The following NBPF12 variants were observed in gnomAD, a reference collection of about 807,000 sequenced individuals.
The protein encoded by NBPF12 is NBPF family member NBPF12.
NBPF12 carries 115 observed loss-of-function variants against 146.4 expected under a neutral mutation model. The ratio of observed to expected loss-of-function variants is 0.79; its 90% CI spans 0.68 to 0.92. NBPF12 has a LOEUF of 0.92. Ranked by LOEUF, NBPF12 falls within the 40% of genes least tolerant of loss-of-function variation. NBPF12 has a pLI of 0.00. For missense variants in NBPF12, 1,205 were observed against 1,326.8 expected, an observed-to-expected ratio of 0.91 and a Z score of 1.43; for synonymous variants, 385 against 508.9, an observed-to-expected ratio of 0.76 and a Z score of 3.28.
At chr1:146,939,839 C>T (rs1337317630) in intron 1 of NBPF12, among the ~76,000 whole-genome samples, 6 of 151,874 alleles carry the variant, frequency 4.0e-5, no homozygotes, top group Non-Finnish European at 2.9e-5. Context: ...AAAAATTAGC[C>T]GGGAGTGGTG....
In NBPF12 at chr1:146,951,239, A is replaced by G. The variant is rs1309170410; in HGVS notation, c.-325-109A>G. Reference sequence around the variant, plus strand: ...GAGCTTCTCTCAGGCCACACAGGGCACTCAAGTGAACAGGGCATGGGGGCC... The same window carrying G: ...GAGCTTCTCTCAGGCCACACAGGGCGCTCAAGTGAACAGGGCATGGGGGCC... On this transcript the variant is annotated intron_variant, in intron 1 of 33. Coordinates refer to ENST00000617844, the Ensembl canonical transcript of NBPF12. 6.0e-6 allele frequency: 4 copies of G among 663,478 alleles called. No homozygotes were observed. The African/African-American group carries it at 7.2e-5, about 12-fold the overall frequency. 41.1% of individuals were successfully genotyped at this position (663,478 alleles called of 1,614,324 possible).
At chr1:146,939,784 C>G (rs1188773947) in intron 1 of NBPF12, among the ~76,000 whole-genome samples, 2 of 151,856 alleles carry the variant, frequency 1.3e-5, no homozygotes, top group African/African-American at 4.9e-5. Flanking sequence ...GAGATTGAGA[C>G]CATCCTGGCT....
At chr1:146,994,862 C>T in exon 34 of NBPF12, 1 of 542,294 alleles carries the variant, frequency 1.8e-6, no homozygotes. Flanking sequence ...TACAAAATTC[C>T]TCAGGGATTT....
chr1:146,963,392 G>T lies in NBPF12; in HGVS notation c.493+83G>T, dbSNP rs1184601643. On this transcript the variant is annotated intron_variant, in intron 6 of 33. Transcript: ENST00000617844. ...CCTCCATACTTTCATGATGACAGTT[G>T]TATCAGTGGGGTTTTTTTCTACTAC... The T allele has an allele frequency of 3.5e-3, 5,548 of 1,599,246 alleles. 23 individuals are homozygous for T. Among genetic ancestry groups the T allele is most frequent in the Non-Finnish European group, 4.5e-3 (5,291 of 1,170,034 alleles).
exon 34 of NBPF12, chr1:146,996,057 A>C (rs1658521081): frequency 7.0e-6 from 1 of 141,882 alleles, no homozygotes; most frequent in Non-Finnish European, 1.5e-5. Context: ...GTCCAAAGTT[A>C]ATTTTAATCT....
At chr1:146,954,064 T>C (rs1655443638) in intron 2 of NBPF12, among the ~76,000 whole-genome samples, 1 of 145,908 alleles carries the variant, frequency 6.9e-6, no homozygotes, top group African/African-American at 2.6e-5. Context: ...CAATTTCATT[T>C]AAAGTAACAT....
At chr1:146,965,103 A>C (rs1656103584) in exon 8 of NBPF12, 1 of 1,574,564 alleles carries the variant, frequency 6.4e-7, no homozygotes. Flanking sequence ...ACATTCTCCC[A>C]GGTAGCCTCT....
At chr1:146,961,644 T>G (rs1221256295) in intron 4 of NBPF12, among the ~76,000 whole-genome samples, 1 of 152,078 alleles carries the variant, frequency 6.6e-6, no homozygotes, top group South Asian at 2.1e-4. Context: ...TGTCTCACAC[T>G]TTATGCTTCA....
intron 2 of NBPF12, among the ~76,000 whole-genome samples, chr1:146,959,190 A>T (rs1175904852): frequency 1.0e-5 from 1 of 97,064 alleles, no homozygotes; most frequent in Non-Finnish European, 2.1e-5. Context: ...AGTAAAGAGA[A>T]GTCGGCCGTG....
At chr1:146,953,389 C>A (rs1433550187) in intron 2 of NBPF12, among the ~76,000 whole-genome samples, 3 of 140,676 alleles carry the variant, frequency 2.1e-5, no homozygotes, top group Non-Finnish European at 1.5e-5. Context: ...AGCTTCTTGA[C>A]TGGGGGGAGA....
exon 13 of NBPF12, chr1:146,971,312 G>A: frequency 6.2e-7 from 1 of 1,612,178 alleles, no homozygotes. Flanking sequence ...TCACATTTGA[G>A]GAAGACAAAG....
intron 7 of NBPF12, 28 bp downstream of exon 10, chr1:146,964,457 A>G: frequency 6.3e-7 from 1 of 1,595,952 alleles, no homozygotes; most frequent in Non-Finnish European, 8.6e-7. Flanking sequence ...GGAGCAAGTA[A>G]TGGGTGGTAA....
intron 13 of NBPF12, among the ~76,000 whole-genome samples, chr1:146,972,454 G>T (rs1360376091): frequency 6.6e-6 from 1 of 151,434 alleles, no homozygotes; most frequent in Non-Finnish European, 1.5e-5. Flanking sequence ...AATCTTTTGT[G>T]CTACACAGAA....
exon 32 of NBPF12, chr1:146,992,769 T>G (rs1208109512): frequency 1.5e-6 from 1 of 684,754 alleles, no homozygotes; most frequent in African/African-American, 1.8e-5. Context: ...ACTCACTGGA[T>G]AGATGTTATT....
Position 146,954,420 on chromosome 1 carries a change from TCAA to T in NBPF12, c.-184+2935_-184+2937del, listed in dbSNP as rs1249243390. Among the ~76,000 whole-genome samples, 432 of 77,762 alleles carry T rather than the reference TCAA, an allele frequency of 5.6e-3. 1 individual carries two copies. The highest frequency in any genetic ancestry group is 0.018 in the African/African-American group (410 of 22,936). 51.0% of individuals were successfully genotyped at this position (77,762 alleles called of 152,430 possible). On this transcript the variant is annotated intron_variant, in intron 2 of 33. Coordinates refer to ENST00000617844, the Ensembl canonical transcript of NBPF12. ...AAAAAAAAAAAAAAAAAAAGGAAAG[TCAA>T]CAAAATTTATGTAAGGCCAGTACAC... is the stretch of plus-strand genomic sequence containing the variant.
At chr1:146,940,793 A>T (rs1322900271) in intron 1 of NBPF12, among the ~76,000 whole-genome samples, 1 of 151,924 alleles carries the variant, frequency 6.6e-6, no homozygotes, top group African/African-American at 2.4e-5. Context: ...TCAGTTAAAA[A>T]TTATTTTGTT....
At chr1:146,994,336 A>C (rs1451849719) in exon 34 of NBPF12, 17 of 1,611,526 alleles carry the variant, frequency 1.1e-5, no homozygotes, top group Non-Finnish European at 1.4e-5. Flanking sequence ...TTCCAGGCTC[A>C]ACAGCGTGCT....
intron 19 of NBPF12, among the ~76,000 whole-genome samples, chr1:146,981,202 G>A (rs1445128376): frequency 3.8e-5 from 5 of 132,574 alleles, no homozygotes. Flanking sequence ...AATGGGTGAA[G>A]CACACCAATG....
At chr1:146,994,099 T>A (rs1658358927) in intron 33 of NBPF12, among the ~76,000 whole-genome samples, 2 of 67,150 alleles carry the variant, frequency 3.0e-5, no homozygotes, top group Middle Eastern at 8.2e-3. Context: ...TTTCTCTCTG[T>A]CTCTGTCTCT....
Sources: gnomAD v4.1 joint callset for allele counts (sites outside exome capture counted in the v4.1 genomes callset) on GRCh38, gnomAD v4.1.1 for gene constraint, MANE v1.5 for transcripts, NCBI Gene and HGNC (gene_info 2026-07-23, HGNC 2026-07-21) for gene names.